The following PLA2R1 variants were observed in gnomAD, a reference collection of about 807,000 sequenced individuals.
The protein encoded by PLA2R1 is secretory phospholipase A2 receptor.
A neutral mutation model predicts 195.9 loss-of-function variants in PLA2R1; 158 were observed. That is an observed-to-expected ratio of 0.81 (90% CI 0.71 to 0.92). The LOEUF (loss-of-function observed/expected upper bound fraction) is 0.92, where lower values mean the gene tolerates loss of function less well. Among genes scored for constraint, PLA2R1 ranks in the 40% least tolerant of loss-of-function variants. The pLI, the probability that PLA2R1 is intolerant of heterozygous loss-of-function variation, is 0.00. For synonymous variants in PLA2R1, 586 were observed against 598.2 expected (o/e 0.98, Z 0.30); for missense variants, 1,626 against 1,764.6 (o/e 0.92, Z 1.41).
At chr2:159,973,402 T>C (rs1453575487) in intron 17 of PLA2R1, among the ~76,000 whole-genome samples, 3 of 145,542 alleles carry the variant, frequency 2.1e-5, no homozygotes, top group African/African-American at 5.1e-5. Context: ...AAAATTTACA[T>C]TGTTGAAATC....
At chr2:159,958,582 T>C (rs1511217) in intron 20 of PLA2R1, among the ~76,000 whole-genome samples, 27,794 of 152,000 alleles carry the variant, frequency 0.18, 2,858 homozygotes, top group Middle Eastern at 0.42. Flanking sequence ...TCTTTGAACA[T>C]CACACCAGAG....
intron 11 of PLA2R1, 21 bp from the exon 12 acceptor site, chr2:159,987,379 T>C: frequency 6.4e-7 from 1 of 1,571,034 alleles, no homozygotes; most frequent in South Asian, 1.1e-5. Context: ...AAAACAAGCA[T>C]TTTTAATACC....
At chr2:159,929,306 G>A (rs1574617871), downstream of PLA2R1, among the ~76,000 whole-genome samples, 1 of 151,940 alleles carries the variant, frequency 6.6e-6, no homozygotes, top group Middle Eastern at 3.4e-3. Flanking sequence ...AAATTAGCAA[G>A]GAAAAAACAA....
At chr2:160,037,585 C>T (rs1694240969) in intron 3 of PLA2R1, among the ~76,000 whole-genome samples, 1 of 152,154 alleles carries the variant, frequency 6.6e-6, no homozygotes, top group Non-Finnish European at 1.5e-5. Flanking sequence ...CAAAAGCATG[C>T]TGTCTTTTAC....
In PLA2R1 at chr2:159,981,507, T is replaced by C. The variant is rs149670415; in HGVS notation, c.2184-1593A>G. 2.5e-3 allele frequency among the ~76,000 whole-genome samples: 382 copies of C among 152,106 alleles called. 2 individuals are homozygous for C. The highest frequency in any genetic ancestry group is 8.5e-3 in the African/African-American group (354 of 41,494). ...TGCAACCTCCTCTTCCCAGGCTCAA[T>C]TGATACTCCCACCTCAGTCTCCTGA... On this transcript the variant is annotated intron_variant, in intron 13 of 29. Coordinates refer to ENST00000283243, the MANE Select transcript of PLA2R1 (RefSeq NM_007366.5).
chr2:159,945,388 C>A (rs900144591), intron 27 of PLA2R1, among the ~76,000 whole-genome samples: 3 of 151,602 alleles, frequency 2.0e-5, no homozygotes, highest in Admixed American at 6.6e-5. Context: ...GTGATGTTCC[C>A]CTTCCTGTGT....
At chr2:159,986,532 G>C (rs7590560) in intron 12 of PLA2R1, among the ~76,000 whole-genome samples, 130,131 of 151,968 alleles carry the variant, frequency 0.86, 55,961 homozygotes, top group African/African-American at 0.92. Context: ...GTGATAACCA[G>C]AGCATGGTGC....
rs1262790398 is a variant in PLA2R1, at chr2:159,970,154, T to C, written c.2654A>G (p.Glu885Gly). ...IGLQEERAND[E>G]FRWRDGTPVI... is the part of the protein sequence containing the mutation. ...AATGAATCTAGGTTCATACCGAAAT[T>C]CATCATTGGCTCTTTCTTCTTGAAG... is the stretch of plus-strand genomic sequence containing the variant. Residue 885 changes from glutamate (E) to glycine (G), a missense_variant, in exon 18 of 30, where the codon GAA (glutamate) becomes GGA (glycine). Glu to Gly is a moderately conservative substitution (Grantham distance 98). Transcript: ENST00000283243. 6.2e-7 allele frequency: 1 copy of C among 1,600,880 alleles called. No individual in the cohort carries two copies. Among genetic ancestry groups the C allele is most frequent in the Admixed American group, 1.7e-5 (1 of 59,740 alleles).
In PLA2R1 at chr2:160,041,179, TC is replaced by T. The variant is rs1204895895; in HGVS notation, c.667+845del. On this transcript the variant is annotated intron_variant, in intron 3 of 29. Transcript: ENST00000283243. ...GTCAGATTCTTTGGGGTTAATCTCTTCAACTTGCTTTTGCTTCAAATTTATT... is the reference window on the plus strand; with the variant it reads ...GTCAGATTCTTTGGGGTTAATCTCTTAACTTGCTTTTGCTTCAAATTTATT... Among the ~76,000 whole-genome samples the T allele has an allele frequency of 3.9e-5, 6 of 152,360 alleles. No individual in the cohort carries two copies. In the South Asian group the frequency reaches 1.0e-3, roughly 26 times the overall value.
chr2:159,975,440 T>C (rs1689476806), intron 17 of PLA2R1, among the ~76,000 whole-genome samples: 2 of 152,156 alleles, frequency 1.3e-5, no homozygotes, highest in African/African-American at 4.8e-5. Context: ...CTGCAAGGAA[T>C]TAAGTAGCCT....
At chr2:160,016,828 T>C (rs1692806529) in intron 8 of PLA2R1, 116 bp from the exon 9 acceptor site, 1 of 624,314 alleles carries the variant, frequency 1.6e-6, no homozygotes, top group African/African-American at 1.9e-5. Context: ...GGATAATGTT[T>C]CAGGCGGCAC....
In PLA2R1 at chr2:159,954,639, T is replaced by C. The variant is rs556916074; in HGVS notation, c.3301+560A>G. On this transcript the variant is annotated intron_variant, in intron 23 of 29. Coordinates refer to ENST00000283243, the MANE Select transcript of PLA2R1 (RefSeq NM_007366.5). ...CAGCATTCAGTAAAAGCATGAGCTG[T>C]TGTTGTTTTTATTTATAGTACTCAA... Among the ~76,000 whole-genome samples the C allele has an allele frequency of 5.9e-5, 9 of 152,106 alleles. No homozygotes were observed. The East Asian group carries it at 9.7e-4, about 16-fold the overall frequency.
chr2:159,956,421 G>C (rs1414261332), intron 21 of PLA2R1, 89 bp downstream of exon 21: 6 of 755,972 alleles, frequency 7.9e-6, no homozygotes, highest in Non-Finnish European at 1.4e-5. Flanking sequence ...ATGTTGATTT[G>C]GGAATGTTAG....
intron 10 of PLA2R1, among the ~76,000 whole-genome samples, chr2:160,007,121 T>G (rs1692038543): frequency 6.6e-6 from 1 of 152,196 alleles, no homozygotes. Context: ...TTAATCCAGA[T>G]CATACTGGCA....
chr2:159,925,919 G>A, the PLA2R1 span, among the ~76,000 whole-genome samples: 2 of 152,142 alleles, frequency 1.3e-5, no homozygotes, highest in African/African-American at 2.4e-5. Context: ...CAAAATGCCC[G>A]TCTCTGTTTT....
At chr2:160,021,706 G>A (rs1693140022) in intron 7 of PLA2R1, among the ~76,000 whole-genome samples, 1 of 152,204 alleles carries the variant, frequency 6.6e-6, no homozygotes, top group African/African-American at 2.4e-5. Context: ...GGGCCACTAA[G>A]AGGCCAGACT....
Position 160,033,088 on chromosome 2 carries a change from T to C in PLA2R1, c.712A>G (p.Asn238Asp), listed in dbSNP as rs1454822464. Reference sequence around the variant, plus strand: ...TTGAACTGGTAGCAAATGTGTGAATTGAGGTCCTTCTCCCAAATAGTATCA... The same window carrying C: ...TTGAACTGGTAGCAAATGTGTGAATCGAGGTCCTTCTCCCAAATAGTATCA... Reference protein sequence around the residue: ...GCDTIWEKDLNSHICYQFNLL... With the variant: ...GCDTIWEKDLDSHICYQFNLL... The change falls in exon 4 of 30, where the codon AAT (asparagine) becomes GAT (aspartate). Residue 238 changes from asparagine (N) to aspartate (D), a missense_variant. Physicochemically the swap from Asn to Asp is conservative, Grantham distance 23. Coordinates refer to ENST00000283243, the MANE Select transcript of PLA2R1 (RefSeq NM_007366.5). 1 of 1,613,384 alleles carries C rather than the reference T, an allele frequency of 6.2e-7. No homozygotes were observed. Among genetic ancestry groups the C allele is most frequent in the Non-Finnish European group, 8.5e-7 (1 of 1,179,710 alleles).
intron 10 of PLA2R1, among the ~76,000 whole-genome samples, chr2:160,007,035 C>T (rs1394817065): frequency 6.6e-6 from 1 of 152,138 alleles, no homozygotes; most frequent in Non-Finnish European, 1.5e-5. Context: ...TTTCGTCATA[C>T]TTTAGTAAAT....
In PLA2R1 at chr2:160,013,691, CTCTCTCTCTCTG is replaced by C. The variant is rs1315247026; in HGVS notation, c.1552-328_1552-317del. ...CCTCTCTCTTTCTCTCTCTCTCTCT[CTCTCTCTCTCTG>C]TCTCTCTCTCTCTCTCTCTGTGTGT... On this transcript the variant is annotated intron_variant, in intron 9 of 29. Coordinates refer to ENST00000283243, the MANE Select transcript of PLA2R1 (RefSeq NM_007366.5). Among the ~76,000 whole-genome samples, 69 of 141,596 alleles carry C rather than the reference CTCTCTCTCTCTG, an allele frequency of 4.9e-4. 1 individual carries two copies. The highest frequency in any genetic ancestry group is 1.5e-3 in the African/African-American group (57 of 37,756). The allele number at this position is 141,596 out of a possible 152,430, so 92.9% of individuals were successfully genotyped here. A position where few individuals can be genotyped will look rare whatever the true frequency, so the allele number is the denominator to read the frequency against.
Sources: gnomAD v4.1 joint callset for allele counts (sites outside exome capture counted in the v4.1 genomes callset) on GRCh38, gnomAD v4.1.1 for gene constraint, MANE v1.5 for transcripts, NCBI Gene and HGNC (gene_info 2026-07-23, HGNC 2026-07-21) for gene names.